Variants in ROR1 observed in about 807,000 individuals in gnomAD.
ROR1 encodes ROR family WNT receptor 1, also known as inactive tyrosine-protein kinase transmembrane receptor ROR1.
ROR1 carries 19 observed loss-of-function variants against 78.8 expected under a neutral mutation model. The ratio of observed to expected loss-of-function variants is 0.24; its 90% CI spans 0.17 to 0.35. The LOEUF (loss-of-function observed/expected upper bound fraction) is 0.35, where lower values mean the gene tolerates loss of function less well. ROR1 is among the 10% of genes least tolerant of loss of function. ROR1 has a pLI of 1.00. For synonymous variants in ROR1, 386 were observed against 433.6 expected, an observed-to-expected ratio of 0.89 and a Z score of 1.36; for missense variants, 917 against 1,177.8, an observed-to-expected ratio of 0.78 and a Z score of 3.24.
In ROR1 at chr1:64,177,533, G is replaced by T; in HGVS notation, c.1492G>T (p.Asp498Tyr). 1 of 1,614,134 alleles carries T rather than the reference G, an allele frequency of 6.2e-7. No individual in the cohort carries two copies. Among genetic ancestry groups the T allele is most frequent in the Non-Finnish European group, 8.5e-7 (1 of 1,180,024 alleles). The change falls in exon 9 of 9, where the codon GAC becomes TAC. Residue 498 changes from aspartate (D) to tyrosine (Y), a missense_variant. By Grantham distance (160) the Asp-to-Tyr change is radical (BLOSUM62 -3). Transcript: ENST00000371079. ...AGGCCATCTCTATCTCCCAGGCATG[G>T]ACCATGCTCAGCTGGTTGCTATCAA... ...YKGHLYLPGM[D>Y]HAQLVAIKTL... is the part of the protein sequence containing the mutation.
chr1:63,853,628 C>T (rs1207299432), intron 1 of ROR1, among the ~76,000 whole-genome samples: 1 of 152,158 alleles, frequency 6.6e-6, no homozygotes, highest in Non-Finnish European at 1.5e-5. Context: ...CTAGCTTATG[C>T]TTTGCTCTTA....
chr1:63,800,759 G>A (rs1373689192), intron 1 of ROR1, among the ~76,000 whole-genome samples: 1 of 152,160 alleles, frequency 6.6e-6, no homozygotes, highest in Non-Finnish European at 1.5e-5. Flanking sequence ...ATTAACATCT[G>A]AGATGTGCTG....
chr1:63,805,844 T>A (rs191501527), intron 1 of ROR1, among the ~76,000 whole-genome samples: 32 of 152,244 alleles, frequency 2.1e-4, no homozygotes, highest in African/African-American at 7.2e-4. Flanking sequence ...AGCAAGATCC[T>A]GTCTCTATAA....
chr1:63,986,884 C>T (rs528105544), intron 1 of ROR1, among the ~76,000 whole-genome samples: 77 of 150,508 alleles, frequency 5.1e-4, no homozygotes, highest in Middle Eastern at 3.4e-3. Flanking sequence ...AGAGTGAGAC[C>T]CTGTCTCAAA....
chr1:63,830,694 A>G (rs556289051), intron 1 of ROR1, among the ~76,000 whole-genome samples: 15 of 152,166 alleles, frequency 9.9e-5, no homozygotes, highest in African/African-American at 3.4e-4. Flanking sequence ...GCCCCTTTCA[A>G]AGCTCATGTC....
chr1:63,939,896 A>G (rs1264974555), intron 1 of ROR1, among the ~76,000 whole-genome samples: 1 of 152,182 alleles, frequency 6.6e-6, no homozygotes, highest in Non-Finnish European at 1.5e-5. Flanking sequence ...GACTTCCCCA[A>G]GTACTTTCTC....
chr1:64,163,266 C>CAA, intron 8 of ROR1, among the ~76,000 whole-genome samples: 1 of 127,772 alleles, frequency 7.8e-6, no homozygotes, highest in African/African-American at 2.8e-5. Context: ...CACACACACA[C>CAA]AATTCGCCAG....
intron 1 of ROR1, among the ~76,000 whole-genome samples, chr1:63,972,999 C>T (rs1187014390): frequency 6.6e-6 from 1 of 152,214 alleles, no homozygotes; most frequent in East Asian, 1.9e-4. Flanking sequence ...CAGTGGTGCC[C>T]ACGCTTCTGA....
intron 4 of ROR1, chr1:64,106,699 A>G (rs1647829013): frequency 6.6e-6 from 1 of 152,180 alleles, no homozygotes; most frequent in African/African-American, 2.4e-5. Context: ...CCTTTTCTGC[A>G]TCTACTGAGA....
chr1:63,992,257 G>C (rs2100522356), intron 1 of ROR1, among the ~76,000 whole-genome samples: 1 of 151,870 alleles, frequency 6.6e-6, no homozygotes, highest in East Asian at 1.9e-4. Flanking sequence ...CAGGCTGGTG[G>C]AGTGCAGTGG....
At chr1:63,868,018 G>A (rs1645227612) in intron 1 of ROR1, among the ~76,000 whole-genome samples, 1 of 152,194 alleles carries the variant, frequency 6.6e-6, no homozygotes, top group South Asian at 2.1e-4. Context: ...GAGATCCCAG[G>A]CGTGGCTGGA....
chr1:64,025,597 G>A (rs1165919990), intron 2 of ROR1, among the ~76,000 whole-genome samples: 1 of 150,540 alleles, frequency 6.6e-6, no homozygotes, highest in African/African-American at 2.4e-5. Flanking sequence ...ATATATATAT[G>A]TATATATACA....
chr1:64,098,348 C>A (rs2100653391), intron 4 of ROR1, among the ~76,000 whole-genome samples: 1 of 152,206 alleles, frequency 6.6e-6, no homozygotes. Flanking sequence ...AGTTCAGGTA[C>A]CACAAGGTCT....
At chr1:63,827,484 A>G (rs1644961432) in intron 1 of ROR1, among the ~76,000 whole-genome samples, 2 of 152,122 alleles carry the variant, frequency 1.3e-5, no homozygotes, top group Non-Finnish European at 2.9e-5. Flanking sequence ...AAGGTAAGAA[A>G]TTGGAGGGGA....
intron 1 of ROR1, among the ~76,000 whole-genome samples, chr1:63,818,680 C>T (rs1228068802): frequency 2.0e-5 from 3 of 152,154 alleles, no homozygotes; most frequent in Non-Finnish European, 4.4e-5. Context: ...TTTCCCCTCC[C>T]CTAGGTCTGT....
intron 1 of ROR1, among the ~76,000 whole-genome samples, chr1:63,956,171 C>T (rs765003759): frequency 3.3e-5 from 5 of 152,174 alleles, no homozygotes; most frequent in Non-Finnish European, 7.3e-5. Context: ...GGAACTGTCA[C>T]GGATGTTTCA....
rs148362887 is a variant in ROR1 at position 64,157,138 on chromosome 1, G to A, written c.1175-1843G>A. Among the ~76,000 whole-genome samples, 850 of 152,082 alleles carry A rather than the reference G, an allele frequency of 5.6e-3. 1 individual carries two copies. Among genetic ancestry groups the A allele is most frequent in the Non-Finnish European group, 8.3e-3 (566 of 67,966 alleles). On this transcript the variant is annotated intron_variant, in intron 7 of 8. Transcript: ENST00000371079. ...AATATTTGATAAATATTAAAATTGC[G>A]TTTTGTTTTGTTTTTTTGAGACAAG...
At chr1:64,002,606 G>A (rs988448364) in intron 1 of ROR1, among the ~76,000 whole-genome samples, 1 of 152,144 alleles carries the variant, frequency 6.6e-6, no homozygotes, top group African/African-American at 2.4e-5. Flanking sequence ...GTGTGTCATT[G>A]TGGTGCTTTT....
intron 8 of ROR1, among the ~76,000 whole-genome samples, chr1:64,170,656 T>C (rs555926015): frequency 1.8e-4 from 28 of 152,350 alleles, no homozygotes; most frequent in Admixed American, 1.3e-4. Context: ...TATTTTCTAT[T>C]GCATTGTCAG....
Sources: gnomAD v4.1 joint callset for allele counts (sites outside exome capture counted in the v4.1 genomes callset) on GRCh38, gnomAD v4.1.1 for gene constraint, MANE v1.5 for transcripts, NCBI Gene and HGNC (gene_info 2026-07-23, HGNC 2026-07-21) for gene names.